Variants in RBBP4 observed in about 807,000 individuals in gnomAD.
RBBP4 encodes the protein histone-binding protein RBBP4.
In RBBP4, 3 loss-of-function variants were observed where a neutral mutation model predicts 57.2. The ratio of observed to expected loss-of-function variants is 0.05; its 90% CI spans 0.02 to 0.14. RBBP4 has a LOEUF of 0.14. Among genes scored for constraint, RBBP4 ranks in the 10% least tolerant of loss-of-function variants. The pLI is 1.00. For missense variants in RBBP4, 107 were observed against 520.6 expected (o/e 0.21, Z 7.73); for synonymous variants, 151 against 171.5 (o/e 0.88, Z 0.93).
chr1:32,670,307 G>A (rs1280064123), intron 8 of RBBP4, among the ~76,000 whole-genome samples: 2 of 151,994 alleles, frequency 1.3e-5, no homozygotes, highest in African/African-American at 4.8e-5. Context: ...CTTGCCACAT[G>A]TGTTGATTTC....
At chr1:32,674,928 G>A (rs1364172967) in intron 11 of RBBP4, among the ~76,000 whole-genome samples, 6 of 150,980 alleles carry the variant, frequency 4.0e-5, no homozygotes, top group African/African-American at 7.3e-5. Flanking sequence ...TAGTAGAGAC[G>A]GGGTTTCACC....
At chr1:32,661,271 C>T (rs1425514818) in intron 3 of RBBP4, among the ~76,000 whole-genome samples, 1 of 146,848 alleles carries the variant, frequency 6.8e-6, no homozygotes, top group Non-Finnish European at 1.5e-5. Context: ...AATGGGATTG[C>T]TGGGTTGAAT....
chr1:32,671,290 T>C lies in RBBP4; in HGVS notation c.967-1160T>C, dbSNP rs140540514. On this transcript the variant is annotated intron_variant, in intron 8 of 11. Coordinates refer to ENST00000373493, the MANE Select transcript of RBBP4 (RefSeq NM_005610.3). Reference sequence around the variant, plus strand: ...AGAGGCCAGAATTAGCAAATAAGAATAGACAAGATGTAGGCCGGGCACGAT... The same window carrying C: ...AGAGGCCAGAATTAGCAAATAAGAACAGACAAGATGTAGGCCGGGCACGAT... 5.3e-5 allele frequency among the ~76,000 whole-genome samples: 8 copies of C among 152,248 alleles called. No homozygotes were observed. In the East Asian group the frequency reaches 1.5e-3, roughly 29 times the overall value.
intron 2 of RBBP4, among the ~76,000 whole-genome samples, chr1:32,654,527 C>T (rs750216487): frequency 6.6e-6 from 1 of 152,124 alleles, no homozygotes; most frequent in Non-Finnish European, 1.5e-5. Flanking sequence ...TTCTAGAACC[C>T]CTACTTTTCA....
intron 1 of RBBP4, 82 bp downstream of exon 1, chr1:32,651,404 A>C: frequency 7.2e-7 from 1 of 1,387,304 alleles, no homozygotes. Flanking sequence ...CAGTGAGGGC[A>C]GGCCCGAGTT....
Position 32,652,013 on chromosome 1 carries a change from C to T in RBBP4, c.116C>T (p.Ala39Val). 6.2e-7 allele frequency: 1 copy of T among 1,613,938 alleles called. No individual in the cohort carries two copies. Among genetic ancestry groups the T allele is most frequent in the Non-Finnish European group, 8.5e-7 (1 of 1,179,842 alleles). The change falls in exon 2 of 12, where the codon GCT becomes GTT. Residue 39 changes from alanine to valine, a missense_variant. This residue lies in a region of RBBP4 where 92 missense variants were observed against 408.5 expected (regional missense o/e 0.23). Coordinates refer to ENST00000373493, the MANE Select transcript of RBBP4 (RefSeq NM_005610.3). ...CTTTATGATTTGGTGATGACCCATG[C>T]TCTGGAGTGGCCCAGCCTAACTGCC... ...PFLYDLVMTHALEWPSLTAQW... is the reference protein window; with the variant it reads ...PFLYDLVMTHVLEWPSLTAQW...
intron 11 of RBBP4, among the ~76,000 whole-genome samples, chr1:32,678,831 C>T (rs1649244225): frequency 6.6e-6 from 1 of 150,822 alleles, no homozygotes. Context: ...CTCAAGTGAT[C>T]TGTCTGCCTC....
chr1:32,676,612 C>CAAAAAAA (rs1229475952), intron 11 of RBBP4, among the ~76,000 whole-genome samples: 2 of 57,926 alleles, frequency 3.5e-5, no homozygotes, highest in African/African-American at 8.4e-5. Context: ...AACTCCATCT[C>CAAAAAAA]AAAAAAAAAA....
In RBBP4 at chr1:32,679,809, A is replaced by G. The variant is rs757790004; in HGVS notation, c.*104A>G. Reference sequence around the variant, plus strand: ...ACAGACTTTATTCAGCTATCCCTCTATATAATAGGTACCACCGATAATGCT... The same window carrying G: ...ACAGACTTTATTCAGCTATCCCTCTGTATAATAGGTACCACCGATAATGCT... On this transcript the variant is annotated 3_prime_UTR_variant, in exon 12 of 12. Coordinates refer to ENST00000373493, the MANE Select transcript of RBBP4 (RefSeq NM_005610.3). 151 of 1,518,844 alleles carry G rather than the reference A, an allele frequency of 9.9e-5. No homozygotes were observed. Among genetic ancestry groups the G allele is most frequent in the Non-Finnish European group, 1.3e-4 (146 of 1,140,052 alleles). 94.1% of individuals were successfully genotyped at this position (1,518,844 alleles called of 1,614,324 possible).
intron 3 of RBBP4, among the ~76,000 whole-genome samples, chr1:32,666,973 C>T (rs1276305320): frequency 2.0e-5 from 3 of 152,200 alleles, no homozygotes; most frequent in African/African-American, 7.2e-5. Flanking sequence ...AGCCCTCTGT[C>T]ACGCCCGCAT....
At position 32,680,027 on chromosome 1, in the gene RBBP4, A is replaced by G; in HGVS notation, c.*322A>G. The G allele has an allele frequency of 8.9e-7, 1 of 1,122,854 alleles. No homozygotes were observed. Among genetic ancestry groups the G allele is most frequent in the Non-Finnish European group, 1.1e-6 (1 of 918,274 alleles). The allele number at this position is 1,122,854 out of a possible 1,614,324, so 69.6% of individuals were successfully genotyped here. A position where few individuals can be genotyped will look rare whatever the true frequency, so the allele number is the denominator to read the frequency against. On this transcript the variant is annotated 3_prime_UTR_variant, in exon 12 of 12. Coordinates refer to ENST00000373493, the MANE Select transcript of RBBP4 (RefSeq NM_005610.3). Reference sequence around the variant, plus strand: ...TCCCCAAGTTTTTCAGACTCATTTAAGTAAAGGCTAGAGTGAGTAAGGAAT... The same window carrying G: ...TCCCCAAGTTTTTCAGACTCATTTAGGTAAAGGCTAGAGTGAGTAAGGAAT...
intron 2 of RBBP4, 130 bp downstream of exon 2, chr1:32,652,191 T>C (rs1647780551): frequency 8.9e-7 from 1 of 1,126,182 alleles, no homozygotes; most frequent in African/African-American, 1.6e-5. Flanking sequence ...ACATTTTTTC[T>C]AGGCCACAAA....
chr1:32,657,792 G>C, intron 3 of RBBP4: 1 of 428,410 alleles, frequency 2.3e-6, no homozygotes, highest in Non-Finnish European at 4.0e-6. Context: ...TTTCTCAGCT[G>C]GTGCTGGTGG....
intron 8 of RBBP4, among the ~76,000 whole-genome samples, chr1:32,671,794 A>G (rs1270790210): frequency 2.0e-5 from 3 of 151,150 alleles, no homozygotes; most frequent in Non-Finnish European, 4.4e-5. Context: ...CTGGGAGGCT[A>G]AGGTGGGAGA....
At chr1:32,652,566 T>C (rs1647863059) in intron 2 of RBBP4, 1 of 153,324 alleles carries the variant, frequency 6.5e-6, no homozygotes, top group African/African-American at 2.4e-5. Context: ...TTTGAGACGG[T>C]GTCTCACTCT....
At chr1:32,679,158 G>A (rs536237479) in intron 11 of RBBP4, among the ~76,000 whole-genome samples, 32 of 152,222 alleles carry the variant, frequency 2.1e-4, no homozygotes, top group Non-Finnish European at 4.0e-4. Flanking sequence ...TTAGCCAGGC[G>A]TAGTGGCATG....
chr1:32,663,761 A>G (rs746542932), intron 3 of RBBP4, among the ~76,000 whole-genome samples: 10 of 149,118 alleles, frequency 6.7e-5, no homozygotes, highest in African/African-American at 2.0e-4. Flanking sequence ...TATTTTTAGT[A>G]GTGACGGGGT....
rs1649566440 is a variant in RBBP4, at chr1:32,683,249, A to C, written c.*3544A>C. ...CCACTGCACTCCAGCCTGGCAACAG[A>C]GCAAGACTCCGTCTCAAAAAAAAAA... On this transcript the variant is annotated 3_prime_UTR_variant, in exon 12 of 12. Coordinates refer to ENST00000373493, the MANE Select transcript of RBBP4 (RefSeq NM_005610.3). The C allele has an allele frequency of 7.0e-6, 1 of 142,340 alleles. No individual in the cohort carries two copies. Among genetic ancestry groups the C allele is most frequent in the Non-Finnish European group, 1.5e-5 (1 of 65,302 alleles). 8.8% of individuals were successfully genotyped at this position (142,340 alleles called of 1,614,324 possible).
chr1:32,658,530 T>A (rs1648244020), intron 3 of RBBP4, among the ~76,000 whole-genome samples: 1 of 144,090 alleles, frequency 6.9e-6, no homozygotes, highest in South Asian at 2.2e-4. Flanking sequence ...TAACTGCTCA[T>A]GAAATGCTTA....
Sources: gnomAD v4.1 joint callset for allele counts (sites outside exome capture counted in the v4.1 genomes callset) on GRCh38, gnomAD v4.1.1 for gene constraint, gnomAD v4.1.1 regional missense constraint, MANE v1.5 for transcripts, NCBI Gene and HGNC (gene_info 2026-07-23, HGNC 2026-07-21) for gene names.